The following SRGAP1 variants were observed in gnomAD, a reference collection of about 807,000 sequenced individuals.
SRGAP1 encodes SLIT-ROBO Rho GTPase activating protein 1.
In SRGAP1, 43 loss-of-function variants were observed where a neutral mutation model predicts 121.9. The observed-to-expected ratio is 0.35, with a 90% CI of 0.28 to 0.46. The LOEUF is 0.46. Ranked by LOEUF, SRGAP1 falls within the 20% of genes least tolerant of loss-of-function variation. The probability of loss-of-function intolerance (pLI) is 1.00; values close to 1 mark genes in which losing one functional copy is unlikely to be tolerated. For missense variants in SRGAP1, 1,102 were observed against 1,350.9 expected, an observed-to-expected ratio of 0.82 and a Z score of 2.89; for synonymous variants, 447 against 485.4, an observed-to-expected ratio of 0.92 and a Z score of 1.04.
intron 15 of SRGAP1, among the ~76,000 whole-genome samples, chr12:64,107,933 A>G (rs1592328445): frequency 6.6e-6 from 1 of 152,264 alleles, no homozygotes; most frequent in African/African-American, 2.4e-5. Flanking sequence ...TGAAACAGAA[A>G]ACAGACTTGT....
In SRGAP1 at chr12:64,134,098, C is replaced by G. The variant is rs2036824334; in HGVS notation, c.2880+5898C>G. ...GGTTCCCACCGTTAGATCTGACATA[C>G]AGAGAACAGCAATTACAGGGCTCTT... On this transcript the variant is annotated intron_variant, in intron 21 of 21. Transcript: ENST00000355086. Among the ~76,000 whole-genome samples, 3 of 152,064 alleles carry G rather than the reference C, an allele frequency of 2.0e-5. No individual in the cohort carries two copies. The South Asian group carries it at 6.2e-4, about 32-fold the overall frequency.
intron 18 of SRGAP1, among the ~76,000 whole-genome samples, chr12:64,125,106 G>A (rs895776613): frequency 2.0e-5 from 3 of 152,090 alleles, no homozygotes; most frequent in Non-Finnish European, 4.4e-5. Context: ...AGCCACGGCC[G>A]CTTCCCTCCA....
chr12:64,078,866 T>C, intron 8 of SRGAP1, 53 bp from the exon 9 acceptor site: 1 of 1,575,234 alleles, frequency 6.3e-7, no homozygotes, highest in Non-Finnish European at 8.6e-7. Context: ...TCTCCCTGTT[T>C]GTGGGATTCA....
intron 1 of SRGAP1, among the ~76,000 whole-genome samples, chr12:63,952,940 C>T (rs1219388584): frequency 3.3e-5 from 5 of 152,084 alleles, no homozygotes; most frequent in South Asian, 2.1e-4. Context: ...GTCACTGTAC[C>T]GGGCCAGGTG....
intron 1 of SRGAP1, among the ~76,000 whole-genome samples, chr12:63,905,645 C>CTA (rs1202099486): frequency 6.6e-6 from 1 of 152,066 alleles, no homozygotes; most frequent in Non-Finnish European, 1.5e-5. Flanking sequence ...AGAGTACTTG[C>CTA]TATATGTAAG....
intron 1 of SRGAP1, among the ~76,000 whole-genome samples, chr12:63,875,937 A>G (rs1022151476): frequency 1.3e-5 from 2 of 152,248 alleles, no homozygotes; most frequent in African/African-American, 4.8e-5. Flanking sequence ...ATGTGCTGAC[A>G]GCAGTGTTTA....
At position 64,137,157 on chromosome 12, in the gene SRGAP1, G is replaced by C. The variant is rs183243322; in HGVS notation, c.2881-5138G>C. ...CAGGCATCTGTAATCTGAGTTACTC[G>C]GGTGGCTGAGGCATGAGAATCACTT... is the stretch of plus-strand genomic sequence containing the variant. On this transcript the variant is annotated intron_variant, in intron 21 of 21. Transcript: ENST00000355086. Among the ~76,000 whole-genome samples the C allele has an allele frequency of 1.8e-4, 28 of 152,068 alleles. No homozygotes were observed. In the East Asian group the frequency reaches 5.4e-3, roughly 29 times the overall value.
In SRGAP1 at chr12:64,158,906, G is replaced by A. The variant is rs976210470; in HGVS notation, c.*16234G>A. ...ATGTCAAACAGTAATCAGAGGTCAG[G>A]TTGAGGAAAAAATGATAAGAACCCT... is the stretch of plus-strand genomic sequence containing the variant. On this transcript the variant is annotated 3_prime_UTR_variant, in exon 22 of 22. Coordinates refer to ENST00000355086, the MANE Select transcript of SRGAP1 (RefSeq NM_020762.4). The A allele has an allele frequency of 1.3e-5, 2 of 152,170 alleles. No individual in the cohort carries two copies. The highest frequency in any genetic ancestry group is 4.8e-5 in the African/African-American group (2 of 41,422). The allele number at this position is 152,170 out of a possible 1,614,324, so 9.4% of individuals were successfully genotyped here. A position where few individuals can be genotyped will look rare whatever the true frequency, so the allele number is the denominator to read the frequency against.
At chr12:63,899,221 A>G (rs1900849951) in intron 1 of SRGAP1, among the ~76,000 whole-genome samples, 1 of 152,078 alleles carries the variant, frequency 6.6e-6, no homozygotes, top group African/African-American at 2.4e-5. Context: ...GTCTCTACAA[A>G]AAATACAAAA....
intron 1 of SRGAP1, among the ~76,000 whole-genome samples, chr12:63,977,531 C>T (rs2033125843): frequency 6.6e-6 from 1 of 152,230 alleles, no homozygotes; most frequent in African/African-American, 2.4e-5. Context: ...CAGTTTGTGG[C>T]TTCACACAAA....
intron 21 of SRGAP1, among the ~76,000 whole-genome samples, chr12:64,141,438 G>A (rs1440976039): frequency 7.2e-5 from 11 of 151,772 alleles, no homozygotes; most frequent in African/African-American, 2.7e-4. Context: ...AAATTAGCCG[G>A]GCGTGGTGGT....
chr12:64,055,910 G>A (rs796395855), intron 6 of SRGAP1, among the ~76,000 whole-genome samples: 10 of 152,126 alleles, frequency 6.6e-5, no homozygotes, highest in South Asian at 2.1e-4. Context: ...TACCACCAGC[G>A]TTGATCATCT....
rs898714222 is a variant in SRGAP1, at chr12:63,941,441, C to G, written c.68-42506C>G. 2.6e-5 allele frequency among the ~76,000 whole-genome samples: 4 copies of G among 152,008 alleles called. No homozygotes were observed. In the South Asian group the frequency reaches 8.3e-4, roughly 32 times the overall value. ...CATCAGCTCAACTAGTAATGTATCT[C>G]GAGAATGTCTGTGATCCGTTTGATC... On this transcript the variant is annotated intron_variant, in intron 1 of 21. Coordinates refer to ENST00000355086, the MANE Select transcript of SRGAP1 (RefSeq NM_020762.4).
chr12:64,145,906 A>T lies in SRGAP1; in HGVS notation c.*3234A>T, dbSNP rs1428239332. ...GCAATTTGGGGAGGGGAGCTTTTTGATGGTGGGTAAATAATGGCTCTACAA... is the reference window on the plus strand; with the variant it reads ...GCAATTTGGGGAGGGGAGCTTTTTGTTGGTGGGTAAATAATGGCTCTACAA... On this transcript the variant is annotated 3_prime_UTR_variant, in exon 22 of 22. Transcript: ENST00000355086. 6.6e-6 allele frequency: 1 copy of T among 152,066 alleles called. No homozygotes were observed. The highest frequency in any genetic ancestry group is 6.6e-5 in the Admixed American group (1 of 15,262). The allele number at this position is 152,066 out of a possible 1,614,324, so 9.4% of individuals were successfully genotyped here.
chr12:64,107,123 T>C (rs892664301), intron 15 of SRGAP1, among the ~76,000 whole-genome samples: 1 of 152,210 alleles, frequency 6.6e-6, no homozygotes, highest in Admixed American at 6.5e-5. Flanking sequence ...ATTGCTTGTT[T>C]TGTCAGCTCA....
At chr12:64,076,103 C>T (rs928253607) in intron 8 of SRGAP1, among the ~76,000 whole-genome samples, 2 of 152,092 alleles carry the variant, frequency 1.3e-5, no homozygotes, top group African/African-American at 4.8e-5. Context: ...GTAATAAAAT[C>T]CAGAGATTCT....
At chr12:64,018,308 T>C (rs6581520) in intron 4 of SRGAP1, among the ~76,000 whole-genome samples, 79,138 of 151,656 alleles carry the variant, frequency 0.52, 22,650 homozygotes, top group African/African-American at 0.76. Context: ...CCAGGCTGGT[T>C]TCAAGCTCCT....
intron 1 of SRGAP1, among the ~76,000 whole-genome samples, chr12:63,969,676 C>A (rs1032929304): frequency 3.3e-5 from 5 of 152,058 alleles, no homozygotes; most frequent in African/African-American, 1.2e-4. Context: ...CACCTGTAGT[C>A]CCAGCTACTC....
At chr12:63,982,057 T>A (rs560693579) in intron 1 of SRGAP1, among the ~76,000 whole-genome samples, 209 of 151,752 alleles carry the variant, frequency 1.4e-3, no homozygotes, top group Admixed American at 3.7e-3. Context: ...ACTAAAAATA[T>A]AAAAAATTAG....
Sources: allele counts gnomAD v4.1 joint callset (sites outside exome capture counted in the v4.1 genomes callset), GRCh38; gene constraint gnomAD v4.1.1; transcripts MANE v1.5; gene names NCBI Gene and HGNC (gene_info 2026-07-23, HGNC 2026-07-21).